Variants in CYB5RL observed in about 807,000 individuals in gnomAD.
The protein encoded by CYB5RL is NADH-cytochrome b5 reductase-like.
In CYB5RL, 38 loss-of-function variants were observed where a neutral mutation model predicts 37.5. That is an observed-to-expected ratio of 1.01 (90% CI 0.78 to 1.33). The LOEUF (loss-of-function observed/expected upper bound fraction) is 1.33, where lower values mean the gene tolerates loss of function less well. CYB5RL is among the 40% of genes most tolerant of loss of function. The probability of loss-of-function intolerance (pLI) is 0.00; values close to 1 mark genes in which losing one functional copy is unlikely to be tolerated. For synonymous variants in CYB5RL, 141 were observed against 151.9 expected, an observed-to-expected ratio of 0.93 and a Z score of 0.53; for missense variants, 388 against 394.4, an observed-to-expected ratio of 0.98 and a Z score of 0.14.
At chr1:54,191,918 T>C (rs562568215) in intron 3 of CYB5RL, among the ~76,000 whole-genome samples, 3 of 152,222 alleles carry the variant, frequency 2.0e-5, no homozygotes, top group Non-Finnish European at 4.4e-5. Flanking sequence ...GCTGCCTCCC[T>C]GTGGGGCCTT....
At position 54,187,768 on chromosome 1, in the gene CYB5RL, G is replaced by A; in HGVS notation, c.348-29C>T. 4 of 1,598,298 alleles carry A rather than the reference G, an allele frequency of 2.5e-6. No individual in the cohort carries two copies. In the South Asian group the frequency reaches 4.4e-5, roughly 18 times the overall value. On this transcript the variant is annotated intron_variant, in intron 4 of 7. Transcript: ENST00000534324. ...AGAAACAGAAGTGTGCAGTCAGTCAGCCAGTCATTCAGCAAACCCTTTTAA... is the reference window on the plus strand; with the variant it reads ...AGAAACAGAAGTGTGCAGTCAGTCAACCAGTCATTCAGCAAACCCTTTTAA...
Position 54,170,003 on chromosome 1 carries a change from T to C in CYB5RL, c.*4616A>G, listed in dbSNP as rs563803095. On this transcript the variant is annotated 3_prime_UTR_variant, in exon 8 of 8. Transcript: ENST00000534324. Reference sequence around the variant, plus strand: ...ACATTTCACTTAGTTATTATGTTTTTAGGACTTCGTCTATATTGGTACATG... The same window carrying C: ...ACATTTCACTTAGTTATTATGTTTTCAGGACTTCGTCTATATTGGTACATG... 6.6e-6 allele frequency: 1 copy of C among 152,270 alleles called. No homozygotes were observed. Among genetic ancestry groups the C allele is most frequent in the Non-Finnish European group, 1.5e-5 (1 of 68,050 alleles). The allele number at this position is 152,270 out of a possible 1,614,324, so 9.4% of individuals were successfully genotyped here.
intron 2 of CYB5RL, 136 bp from the exon 3 acceptor site, chr1:54,195,851 G>C (rs766172496): frequency 7.4e-6 from 3 of 404,182 alleles, no homozygotes; most frequent in Non-Finnish European, 1.3e-5. Flanking sequence ...GTCTGGTGGG[G>C]AGCATTAACC....
chr1:54,197,741 G>A (rs1404339909), intron 1 of CYB5RL, among the ~76,000 whole-genome samples: 2 of 152,228 alleles, frequency 1.3e-5, no homozygotes, highest in South Asian at 4.1e-4. Flanking sequence ...CTCTGCCTTG[G>A]CTGGGTGCGG....
At chr1:54,194,766 G>A (rs1373276643) in intron 3 of CYB5RL, among the ~76,000 whole-genome samples, 8 of 152,188 alleles carry the variant, frequency 5.3e-5, no homozygotes, top group South Asian at 4.1e-4. Flanking sequence ...GTTCAGATGC[G>A]GGAGACCAAG....
chr1:54,197,321 T>C lies in CYB5RL; in HGVS notation c.-222-830A>G, dbSNP rs577284723. On this transcript the variant is annotated intron_variant, in intron 1 of 7. Coordinates refer to ENST00000534324, the MANE Select transcript of CYB5RL (RefSeq NM_001031672.4). Reference sequence around the variant, plus strand: ...CTTTTCTTTTTCTTTTCTTTTCTTTTTTTTTTTTTTTTGAGACAGAGTCTC... The same window carrying C: ...CTTTTCTTTTTCTTTTCTTTTCTTTCTTTTTTTTTTTTGAGACAGAGTCTC... Among the ~76,000 whole-genome samples, 24 of 147,928 alleles carry C rather than the reference T, an allele frequency of 1.6e-4. 1 individual carries two copies. Among genetic ancestry groups the C allele is most frequent in the African/African-American group, 3.5e-4 (14 of 40,278 alleles).
At chr1:54,183,728 C>T (rs1042765845) in intron 6 of CYB5RL, among the ~76,000 whole-genome samples, 1 of 152,180 alleles carries the variant, frequency 6.6e-6, no homozygotes, top group African/African-American at 2.4e-5. Context: ...GTAACCCCAG[C>T]ACTTTGGGAG....
At chr1:54,187,843 A>G in intron 4 of CYB5RL, 104 bp from the exon 5 acceptor site, 1 of 938,254 alleles carries the variant, frequency 1.1e-6, no homozygotes, top group Non-Finnish European at 1.7e-6. Context: ...TGGGAGGCCG[A>G]GGTGGGCTGA....
chr1:54,184,593 T>G lies in CYB5RL; in HGVS notation c.436-328A>C, dbSNP rs185166412. ...GAACTGGGTGATGATTAATGGCAAT[T>G]AACACACAGTCTCAGCATCAGGGAG... On this transcript the variant is annotated intron_variant, in intron 5 of 7. Coordinates refer to ENST00000534324, the MANE Select transcript of CYB5RL (RefSeq NM_001031672.4). The G allele has an allele frequency of 2.9e-3, 578 of 200,602 alleles. 13 individuals carry two copies. In the Admixed American group the frequency reaches 0.03, roughly 10 times the overall value. 12.4% of individuals were successfully genotyped at this position (200,602 alleles called of 1,614,324 possible).
intron 7 of CYB5RL, among the ~76,000 whole-genome samples, chr1:54,176,780 T>C (rs995443511): frequency 6.6e-6 from 1 of 152,072 alleles, no homozygotes; most frequent in African/African-American, 2.4e-5. Flanking sequence ...GTGAGACGGA[T>C]AGGGGACCCC....
At chr1:54,195,076 T>C (rs1643993841) in intron 3 of CYB5RL, among the ~76,000 whole-genome samples, 2 of 152,246 alleles carry the variant, frequency 1.3e-5, no homozygotes, top group Admixed American at 1.3e-4. Context: ...GTGTCTGTCA[T>C]GCTCACTCTC....
chr1:54,195,931 G>A (rs1453648733), intron 2 of CYB5RL, among the ~76,000 whole-genome samples: 2 of 152,210 alleles, frequency 1.3e-5, no homozygotes, highest in Admixed American at 1.3e-4. Flanking sequence ...AGAGGAAAGG[G>A]TTTGGCTTCA....
chr1:54,171,494 T>C lies in CYB5RL; in HGVS notation c.*3125A>G, dbSNP rs625643. On this transcript the variant is annotated 3_prime_UTR_variant, in exon 8 of 8. Coordinates refer to ENST00000534324, the MANE Select transcript of CYB5RL (RefSeq NM_001031672.4). ...CATGAGGGGAACACAGAAGTGACGT[T>C]GGTAAACATGGTGAGGGCTGAACTA... The C allele has an allele frequency of 0.73, 329,523 of 449,544 alleles. 121,626 individuals are homozygous for C. The highest frequency in any genetic ancestry group is 0.8 in the Admixed American group (33,954 of 42,438). The allele number at this position is 449,544 out of a possible 1,614,324, so 27.8% of individuals were successfully genotyped here. A position where few individuals can be genotyped will look rare whatever the true frequency, so the allele number is the denominator to read the frequency against.
chr1:54,183,865 C>G (rs961326987), intron 6 of CYB5RL, among the ~76,000 whole-genome samples: 1 of 152,048 alleles, frequency 6.6e-6, no homozygotes, highest in South Asian at 2.1e-4. Context: ...ATCTCAGCTA[C>G]TTGGGAGGCT....
At chr1:54,175,582 G>A (rs942794494) in intron 7 of CYB5RL, 10 of 373,924 alleles carry the variant, frequency 2.7e-5, no homozygotes, top group Non-Finnish European at 5.6e-5. Context: ...TACAACATAT[G>A]TGTAGAAAAG....
chr1:54,170,961 G>A lies in CYB5RL; in HGVS notation c.*3658C>T, dbSNP rs773001930. On this transcript the variant is annotated 3_prime_UTR_variant, in exon 8 of 8. Transcript: ENST00000534324. ...ACTTCCTGAACATTAGTTGTTTATC[G>A]CTCAGGTATTCGACATCCAGGAAGT... 37 of 354,924 alleles carry A rather than the reference G, an allele frequency of 1.0e-4. No homozygotes were observed. The highest frequency in any genetic ancestry group is 9.9e-4 in the Middle Eastern group (1 of 1,010). The allele number at this position is 354,924 out of a possible 1,614,324, so 22.0% of individuals were successfully genotyped here.
chr1:54,174,747 T>A lies in CYB5RL; in HGVS notation c.820A>T (p.Lys274Ter). 1.2e-6 allele frequency: 2 copies of A among 1,614,016 alleles called. No individual in the cohort carries two copies. Among genetic ancestry groups the A allele is most frequent in the Non-Finnish European group, 1.7e-6 (2 of 1,179,882 alleles). Residue 274 changes from lysine (K) to a stop codon, truncating the protein, a stop_gained, in exon 8 of 8, where the codon AAA (lysine) becomes TAA (stop). Coordinates refer to ENST00000534324, the MANE Select transcript of CYB5RL (RefSeq NM_001031672.4). LOFTEE classifies it high-confidence loss of function. Reference protein sequence around the residue: ...HFGHLGQDLIKELVSCCRRKP... With the variant: ...HFGHLGQDLI ...CTCCGACAGCAGCTGACCAGCTCTT[T>A]AATTAGGTCCTGGCCCAGGTGGCCA...
intron 7 of CYB5RL, 61 bp downstream of exon 7, chr1:54,179,088 G>A: frequency 1.9e-6 from 3 of 1,554,638 alleles, no homozygotes; most frequent in South Asian, 2.4e-5. Flanking sequence ...TGGTCCTCAG[G>A]ACAGGTGCAA....
intron 7 of CYB5RL, among the ~76,000 whole-genome samples, chr1:54,177,433 G>A (rs570057173): frequency 1.3e-5 from 2 of 152,260 alleles, no homozygotes; most frequent in African/African-American, 2.4e-5. Context: ...GAACTTTAAC[G>A]GAAATGCCAC....
Sources: gnomAD v4.1 joint callset for allele counts (sites outside exome capture counted in the v4.1 genomes callset) on GRCh38, gnomAD v4.1.1 for gene constraint, MANE v1.5 for transcripts, NCBI Gene and HGNC (gene_info 2026-07-23, HGNC 2026-07-21) for gene names.